Variants in PLCB4 observed in about 807,000 individuals in gnomAD.
PLCB4 encodes the protein phospholipase C beta 4, also known as 1-phosphatidylinositol 4,5-bisphosphate phosphodiesterase beta-4.
A neutral mutation model predicts 178.8 loss-of-function variants in PLCB4; 77 were observed. The ratio of observed to expected loss-of-function variants is 0.43; its 90% CI spans 0.36 to 0.52. The LOEUF (loss-of-function observed/expected upper bound fraction) is 0.52, where lower values mean the gene tolerates loss of function less well. Ranked by LOEUF, PLCB4 falls within the 20% of genes least tolerant of loss-of-function variation. PLCB4 has a pLI of 0.00. For synonymous variants in PLCB4, 496 were observed against 490.8 expected (o/e 1.01, Z -0.14); for missense variants, 1,024 against 1,453.4 (o/e 0.70, Z 4.80).
rs540493337 is a variant in PLCB4, at chr20:9,069,721, A to G, written c.-135+515A>G. Among the ~76,000 whole-genome samples the G allele has an allele frequency of 2.0e-5, 3 of 152,322 alleles. No homozygotes were observed. In the East Asian group the frequency reaches 5.8e-4, roughly 29 times the overall value. On this transcript the variant is annotated intron_variant, in intron 1 of 39. Coordinates refer to ENST00000378473, the MANE Select transcript of PLCB4 (RefSeq NM_001377142.1). Reference sequence around the variant, plus strand: ...TTTTAAAGTTGCTTTTGCTTTAACCAATTAGACTCTGTATAGTACAATACT... The same window carrying G: ...TTTTAAAGTTGCTTTTGCTTTAACCGATTAGACTCTGTATAGTACAATACT...
intron 3 of PLCB4, among the ~76,000 whole-genome samples, chr20:9,298,918 A>G (rs182269719): frequency 5.3e-5 from 8 of 152,194 alleles, no homozygotes; most frequent in Non-Finnish European, 1.2e-4. Context: ...TTTATAATAG[A>G]TAAATCATAG....
chr20:9,450,065 A>C (rs1412820261), intron 32 of PLCB4, among the ~76,000 whole-genome samples: 2 of 152,228 alleles, frequency 1.3e-5, no homozygotes, highest in African/African-American at 4.8e-5. Flanking sequence ...TTTACTCTTA[A>C]CTTGGATAAG....
intron 3 of PLCB4, among the ~76,000 whole-genome samples, chr20:9,260,220 T>G (rs2147539608): frequency 6.6e-6 from 1 of 152,256 alleles, no homozygotes; most frequent in East Asian, 1.9e-4. Flanking sequence ...CAAACACCCT[T>G]AGTCACCACC....
chr20:9,237,352 A>C (rs563283770), intron 3 of PLCB4, among the ~76,000 whole-genome samples: 13 of 152,142 alleles, frequency 8.5e-5, no homozygotes, highest in African/African-American at 2.9e-4. Flanking sequence ...TGAGATAACC[A>C]AAGTGAAGTT....
chr20:9,452,900 A>G (rs2042849540), intron 32 of PLCB4, among the ~76,000 whole-genome samples: 1 of 152,266 alleles, frequency 6.6e-6, no homozygotes, highest in Non-Finnish European at 1.5e-5. Flanking sequence ...ACCATGTCAC[A>G]TGATGAATAG....
At chr20:9,453,184 C>T (rs1032194360) in intron 32 of PLCB4, among the ~76,000 whole-genome samples, 163 bp from the exon 33 acceptor site, 12 of 151,940 alleles carry the variant, frequency 7.9e-5, no homozygotes, top group African/African-American at 2.4e-4. Flanking sequence ...ACAAAAAAAC[C>T]GGTGTTGAAT....
chr20:9,160,428 C>T (rs564275460), intron 2 of PLCB4, among the ~76,000 whole-genome samples: 3 of 152,116 alleles, frequency 2.0e-5, no homozygotes, highest in Non-Finnish European at 2.9e-5. Context: ...TCAGTAGATA[C>T]GTGTTGAGTA....
chr20:9,335,799 G>T (rs1434535822), intron 4 of PLCB4, among the ~76,000 whole-genome samples: 1 of 152,082 alleles, frequency 6.6e-6, no homozygotes, highest in Non-Finnish European at 1.5e-5. Context: ...CTTTCCTTTG[G>T]TCTTATTCAT....
At chr20:9,373,249 A>G in intron 12 of PLCB4, 145 bp downstream of exon 12, 1 of 525,834 alleles carries the variant, frequency 1.9e-6, no homozygotes, top group Admixed American at 3.8e-5. Flanking sequence ...TACCAGGTGC[A>G]AAAATCAGCT....
intron 20 of PLCB4, among the ~76,000 whole-genome samples, chr20:9,404,385 T>C (rs920886670): frequency 6.6e-6 from 1 of 152,096 alleles, no homozygotes; most frequent in Admixed American, 6.5e-5. Flanking sequence ...TTTTCTGATA[T>C]AGGGAATTGT....
chr20:9,396,053 A>C (rs922397012), intron 19 of PLCB4, among the ~76,000 whole-genome samples: 1 of 152,180 alleles, frequency 6.6e-6, no homozygotes, highest in Non-Finnish European at 1.5e-5. Flanking sequence ...AATTCCTCAT[A>C]GTAATATTTT....
chr20:9,245,578 T>C (rs1389658630), intron 3 of PLCB4, among the ~76,000 whole-genome samples: 2 of 152,124 alleles, frequency 1.3e-5, no homozygotes, highest in Admixed American at 6.5e-5. Context: ...GAGATAGGAC[T>C]GAAGCAACCT....
chr20:9,312,353 T>TACACACACACAC (rs34443371), intron 4 of PLCB4, among the ~76,000 whole-genome samples: 20 of 127,858 alleles, frequency 1.6e-4, no homozygotes, highest in African/African-American at 4.0e-4. Context: ...CCTTCCACCC[T>TACACACACACAC]ACACACACAC....
chr20:9,431,971 G>T (rs943125873), intron 28 of PLCB4, among the ~76,000 whole-genome samples: 4 of 152,066 alleles, frequency 2.6e-5, no homozygotes, highest in Non-Finnish European at 5.9e-5. Flanking sequence ...AAATGACAAA[G>T]AAATCATTTT....
intron 9 of PLCB4, among the ~76,000 whole-genome samples, chr20:9,366,841 T>A (rs2035827420): frequency 6.6e-6 from 1 of 152,222 alleles, no homozygotes; most frequent in Non-Finnish European, 1.5e-5. Context: ...CATGTTCACT[T>A]CTCTGGACAC....
At chr20:9,112,785 G>C (rs1182766433) in intron 2 of PLCB4, among the ~76,000 whole-genome samples, 1 of 152,024 alleles carries the variant, frequency 6.6e-6, no homozygotes, top group Non-Finnish European at 1.5e-5. Context: ...GTGTACTTTT[G>C]GCCTGGGGAT....
At chr20:9,417,864 ATTG>A (rs533315595) in intron 25 of PLCB4, among the ~76,000 whole-genome samples, 205 of 152,216 alleles carry the variant, frequency 1.3e-3, no homozygotes, top group African/African-American at 3.2e-3. Flanking sequence ...GTCAACACTT[ATTG>A]TTATCTGACT....
chr20:9,241,389 TACACACACACAC>T lies in PLCB4; in HGVS notation c.-16+23956_-16+23967del, dbSNP rs11470548. 3.2e-4 allele frequency among the ~76,000 whole-genome samples: 48 copies of T among 148,254 alleles called. 1 individual carries two copies. In the South Asian group the frequency reaches 9.9e-3, roughly 31 times the overall value. On this transcript the variant is annotated intron_variant, in intron 3 of 39. Coordinates refer to ENST00000378473, the MANE Select transcript of PLCB4 (RefSeq NM_001377142.1). The stretch of plus-strand genomic sequence containing the variant: ...TGGTAACAACAGAGGCATGCATGCA[TACACACACACAC>T]ACACACACACACACACACTCACTCA...
intron 2 of PLCB4, among the ~76,000 whole-genome samples, chr20:9,132,615 A>C (rs1169215408): frequency 1.3e-5 from 2 of 152,170 alleles, no homozygotes; most frequent in Non-Finnish European, 1.5e-5. Context: ...GAGTGCTGAC[A>C]CTCTTGATAT....
Sources: allele counts gnomAD v4.1 joint callset (sites outside exome capture counted in the v4.1 genomes callset), GRCh38; gene constraint gnomAD v4.1.1; transcripts MANE v1.5; gene names NCBI Gene and HGNC (gene_info 2026-07-23, HGNC 2026-07-21).